Variants in TTC1 observed in about 807,000 individuals in gnomAD.
The protein encoded by TTC1 is tetratricopeptide repeat domain 1.
Under a neutral mutation model 37.6 loss-of-function variants are expected in TTC1, and 31 were observed. The observed-to-expected ratio is 0.82, with a 90% CI of 0.62 to 1.11. The LOEUF is 1.11. Ranked by LOEUF, TTC1 falls within the 50% of genes most tolerant of loss-of-function variation. The pLI, the probability that TTC1 is intolerant of heterozygous loss-of-function variation, is 0.00. For synonymous variants in TTC1, 127 were observed against 122.4 expected (o/e 1.04, Z -0.25); for missense variants, 351 against 339.0 (o/e 1.04, Z -0.28).
At chr5:160,021,204 C>G (rs1202657957) in intron 2 of TTC1, among the ~76,000 whole-genome samples, 1 of 152,192 alleles carries the variant, frequency 6.6e-6, no homozygotes, top group Non-Finnish European at 1.5e-5. Flanking sequence ...AACAACCAGG[C>G]ATCTGTTTTG....
intron 7 of TTC1, among the ~76,000 whole-genome samples, chr5:160,063,170 C>T (rs1347397881): frequency 6.6e-6 from 1 of 152,196 alleles, no homozygotes; most frequent in Non-Finnish European, 1.5e-5. Context: ...TGGGCTAGTT[C>T]TTAAGCCTGA....
chr5:160,019,190 G>C (rs1232963474), intron 2 of TTC1, among the ~76,000 whole-genome samples: 1 of 152,138 alleles, frequency 6.6e-6, no homozygotes, highest in African/African-American at 2.4e-5. Flanking sequence ...CTGTTGCTTG[G>C]TGAACATGGA....
Position 160,063,032 on chromosome 5 carries a change from G to A in TTC1, c.746-1900G>A, listed in dbSNP as rs57108604. Among the ~76,000 whole-genome samples the A allele has an allele frequency of 6.3e-3, 961 of 152,296 alleles. 7 individuals are homozygous for A. Among genetic ancestry groups the A allele is most frequent in the African/African-American group, 0.022 (920 of 41,552 alleles). On this transcript the variant is annotated intron_variant, in intron 7 of 7. Coordinates refer to ENST00000231238, the MANE Select transcript of TTC1 (RefSeq NM_003314.3). ...CCTGACACAAGCAGCAGCACAGAACGTGTGTGTCCCAGGTTTAGGTTTGGG... is the reference window on the plus strand; with the variant it reads ...CCTGACACAAGCAGCAGCACAGAACATGTGTGTCCCAGGTTTAGGTTTGGG...
intron 2 of TTC1, among the ~76,000 whole-genome samples, chr5:160,028,633 A>G (rs1756852846): frequency 6.6e-6 from 1 of 151,980 alleles, no homozygotes. Context: ...ACCACCACAC[A>G]TGGCTAATTT....
rs1306015354 is a variant in TTC1, at chr5:160,045,500, A to T, written c.541+2331A>T. Among the ~76,000 whole-genome samples, 528 of 101,628 alleles carry T rather than the reference A, an allele frequency of 5.2e-3. 44 individuals carry two copies. Among genetic ancestry groups the T allele is most frequent in the Admixed American group, 0.027 (212 of 7,778 alleles). The allele number at this position is 101,628 out of a possible 152,430, so 66.7% of individuals were successfully genotyped here. A position where few individuals can be genotyped will look rare whatever the true frequency, so the allele number is the denominator to read the frequency against. On this transcript the variant is annotated intron_variant, in intron 5 of 7. Transcript: ENST00000231238. ...CACACACACACACACACACACACACACACACACACACACATACACACTCTC... is the reference window on the plus strand; with the variant it reads ...CACACACACACACACACACACACACTCACACACACACACATACACACTCTC...
At chr5:160,063,970 T>G (rs1475224600) in intron 7 of TTC1, among the ~76,000 whole-genome samples, 1 of 144,846 alleles carries the variant, frequency 6.9e-6, no homozygotes, top group Non-Finnish European at 1.5e-5. Context: ...CCATGACTTT[T>G]TTTTTTTTTT....
At chr5:160,020,536 G>T (rs370378617) in intron 2 of TTC1, among the ~76,000 whole-genome samples, 4 of 152,208 alleles carry the variant, frequency 2.6e-5, no homozygotes, top group South Asian at 2.1e-4. Context: ...ACAGCAGGAA[G>T]TGAGCAGCAG....
At chr5:160,040,554 A>C (rs1757070721) in intron 4 of TTC1, among the ~76,000 whole-genome samples, 1 of 152,132 alleles carries the variant, frequency 6.6e-6, no homozygotes, top group Non-Finnish European at 1.5e-5. Flanking sequence ...CATGTTGTAC[A>C]ACTACAAAAA....
At chr5:160,049,695 T>A in intron 6 of TTC1, 33 bp downstream of exon 6, 2 of 1,489,396 alleles carry the variant, frequency 1.3e-6, no homozygotes, top group Non-Finnish European at 8.9e-7. Context: ...TATTTTTCCT[T>A]CTATTCTTTG....
At chr5:160,042,031 G>A (rs1014049041) in intron 4 of TTC1, among the ~76,000 whole-genome samples, 1 of 152,096 alleles carries the variant, frequency 6.6e-6, no homozygotes, top group African/African-American at 2.4e-5. Flanking sequence ...CTGGTTTCAA[G>A]CAATTCTCCT....
At chr5:160,016,018 G>A (rs1174362894) in intron 2 of TTC1, among the ~76,000 whole-genome samples, 1 of 152,218 alleles carries the variant, frequency 6.6e-6, no homozygotes, top group African/African-American at 2.4e-5. Flanking sequence ...AGAGAAAAAT[G>A]TGTTCTTCCC....
chr5:160,048,984 G>A (rs763592925), intron 5 of TTC1, among the ~76,000 whole-genome samples: 4 of 151,962 alleles, frequency 2.6e-5, no homozygotes, highest in Non-Finnish European at 4.4e-5. Flanking sequence ...CTTTCACTGC[G>A]CACTTGAACT....
intron 2 of TTC1, among the ~76,000 whole-genome samples, chr5:160,016,120 A>G (rs946004170): frequency 2.0e-5 from 3 of 152,152 alleles, no homozygotes; most frequent in African/African-American, 4.8e-5. Context: ...GCTCATGCCT[A>G]TAATCCCAGC....
intron 4 of TTC1, among the ~76,000 whole-genome samples, chr5:160,037,593 G>C (rs1037081313): frequency 3.3e-5 from 5 of 152,148 alleles, no homozygotes; most frequent in Non-Finnish European, 7.4e-5. Flanking sequence ...GTGGGCACCT[G>C]TAATCCCATC....
At chr5:160,059,952 T>C (rs1440707087) in intron 7 of TTC1, among the ~76,000 whole-genome samples, 2 of 152,192 alleles carry the variant, frequency 1.3e-5, no homozygotes, top group East Asian at 1.9e-4. Context: ...AAAAACACAA[T>C]ATCTGTAAAG....
intron 4 of TTC1, among the ~76,000 whole-genome samples, chr5:160,041,747 C>T (rs776359164): frequency 4.6e-5 from 7 of 152,118 alleles, no homozygotes; most frequent in African/African-American, 2.4e-5. Context: ...TTTTCAGCTC[C>T]GTTATACTCC....
At chr5:160,030,132 A>C (rs186840786) in intron 2 of TTC1, among the ~76,000 whole-genome samples, 24 of 152,348 alleles carry the variant, frequency 1.6e-4, no homozygotes, top group African/African-American at 5.8e-4. Flanking sequence ...AAAGAAAGGT[A>C]ATGTGGGAAA....
At chr5:160,064,055 G>A (rs563815536) in intron 7 of TTC1, among the ~76,000 whole-genome samples, 1 of 143,530 alleles carries the variant, frequency 7.0e-6, no homozygotes, top group South Asian at 2.2e-4. Context: ...TGCAACCTCT[G>A]CCTCCCAGGT....
chr5:160,051,153 C>T lies in TTC1; in HGVS notation c.715C>T (p.Arg239Cys), dbSNP rs1165989599. ...GAGATTACCTAAGCAAATTGAAGAA[C>T]GTAATGAAAGACTAAAAGAAGAGAT... ...CMRLPKQIEE[R>C]NERLKEEMLG... Residue 239 changes from arginine (R) to cysteine (C), a missense_variant, in exon 7 of 8, where the codon CGT becomes TGT. Physicochemically the swap from Arg to Cys is radical, Grantham distance 180. Transcript: ENST00000231238. The T allele has an allele frequency of 3.1e-6, 5 of 1,605,466 alleles. No homozygotes were observed. Among genetic ancestry groups the T allele is most frequent in the East Asian group, 2.2e-5 (1 of 44,688 alleles).
Sources: gnomAD v4.1 joint callset for allele counts (sites outside exome capture counted in the v4.1 genomes callset) on GRCh38, gnomAD v4.1.1 for gene constraint, MANE v1.5 for transcripts, NCBI Gene and HGNC (gene_info 2026-07-23, HGNC 2026-07-21) for gene names.